The following ADK variants were observed in gnomAD, a reference collection of about 807,000 sequenced individuals.
The protein encoded by ADK is N6,N6-dimethyladenosine kinase.
A neutral mutation model predicts 44.7 loss-of-function variants in ADK; 24 were observed. That is an observed-to-expected ratio of 0.54 (90% CI 0.39 to 0.76). ADK has a LOEUF of 0.76. Among genes scored for constraint, ADK ranks in the 30% least tolerant of loss-of-function variants. ADK has a pLI of 0.00. For synonymous variants in ADK, 128 were observed against 142.6 expected (o/e 0.90, Z 0.73); for missense variants, 321 against 425.1 (o/e 0.76, Z 2.15).
At chr10:74,317,311 G>A (rs1840657616) in intron 4 of ADK, among the ~76,000 whole-genome samples, 1 of 152,134 alleles carries the variant, frequency 6.6e-6, no homozygotes, top group Admixed American at 6.6e-5. Context: ...ATATAACACT[G>A]CTAAAAAGGG....
chr10:74,160,279 G>C (rs529199662), intron 1 of ADK, among the ~76,000 whole-genome samples: 1 of 152,222 alleles, frequency 6.6e-6, no homozygotes, highest in Admixed American at 6.5e-5. Context: ...TCATGACAGT[G>C]TCCTGGAAGT....
At chr10:74,330,758 C>T (rs1841190304) in intron 4 of ADK, among the ~76,000 whole-genome samples, 1 of 152,150 alleles carries the variant, frequency 6.6e-6, no homozygotes, top group Admixed American at 6.5e-5. Context: ...GTGAGTGCAG[C>T]CAGCTCCAGT....
intron 3 of ADK, among the ~76,000 whole-genome samples, chr10:74,258,572 C>G (rs757982214): frequency 2.0e-5 from 3 of 152,068 alleles, no homozygotes; most frequent in Admixed American, 6.6e-5. Context: ...GGATACGGTA[C>G]ATCATTAATC....
At chr10:74,427,765 A>T (rs1019571605) in intron 6 of ADK, among the ~76,000 whole-genome samples, 1 of 151,740 alleles carries the variant, frequency 6.6e-6, no homozygotes, top group Non-Finnish European at 1.5e-5. Context: ...GTGAAGAGAC[A>T]TTCATATATT....
intron 6 of ADK, among the ~76,000 whole-genome samples, chr10:74,449,880 T>A (rs948970330): frequency 6.6e-6 from 1 of 152,230 alleles, no homozygotes; most frequent in Non-Finnish European, 1.5e-5. Flanking sequence ...AGTTCAACAA[T>A]GGTTTGTTGT....
intron 9 of ADK, among the ~76,000 whole-genome samples, chr10:74,612,445 T>C (rs1017068917): frequency 6.6e-6 from 1 of 152,088 alleles, no homozygotes; most frequent in Non-Finnish European, 1.5e-5. Context: ...GAGAAGCATT[T>C]GTTCATGTCC....
intron 1 of ADK, among the ~76,000 whole-genome samples, chr10:74,155,266 T>G (rs1240067295): frequency 6.6e-6 from 1 of 152,044 alleles, no homozygotes; most frequent in African/African-American, 2.4e-5. Flanking sequence ...GAGGTTTGCT[T>G]GAACCCAGAA....
intron 10 of ADK, among the ~76,000 whole-genome samples, chr10:74,685,382 AC>A (rs1218530495): frequency 6.6e-6 from 1 of 152,232 alleles, no homozygotes; most frequent in Non-Finnish European, 1.5e-5. Context: ...CCTAAGGGTA[AC>A]AGACTCTGTC....
At chr10:74,570,814 C>T (rs1167311133) in intron 7 of ADK, among the ~76,000 whole-genome samples, 1 of 152,110 alleles carries the variant, frequency 6.6e-6, no homozygotes, top group Non-Finnish European at 1.5e-5. Context: ...GCCAGAACTT[C>T]CAACACTATG....
intron 9 of ADK, among the ~76,000 whole-genome samples, chr10:74,620,930 A>G (rs1329222728): frequency 6.6e-6 from 1 of 151,582 alleles, no homozygotes; most frequent in African/African-American, 2.4e-5. Flanking sequence ...TACTGTTGAG[A>G]TGTTTAAGTT....
At chr10:74,698,243 A>C (rs1856277193) in intron 10 of ADK, among the ~76,000 whole-genome samples, 1 of 148,868 alleles carries the variant, frequency 6.7e-6, no homozygotes, top group Non-Finnish European at 1.5e-5. Flanking sequence ...AACCAAAGTA[A>C]AAAGGCAACA....
At chr10:74,258,947 G>GTTTTTTTTTTTTTTTTTT (rs141424052) in intron 3 of ADK, among the ~76,000 whole-genome samples, 8 of 96,126 alleles carry the variant, frequency 8.3e-5, no homozygotes, top group South Asian at 3.4e-4. Context: ...TTGTTTTTGT[G>GTTTTTTTTTTTTTTTTTT]TTTTTTTTTT....
rs899355235 is a variant in ADK, at chr10:74,666,809, T to TA, written c.878-3369dup. ...ATAGCTATGGAGTAGGTCATGCCGG[T>TA]AAAAACTGTTAGTTTTGTGACTTTT... On this transcript the variant is annotated intron_variant, in intron 9 of 10. Coordinates refer to ENST00000539909, the MANE Select transcript of ADK (RefSeq NM_006721.4). Among the ~76,000 whole-genome samples, 33 of 150,856 alleles carry TA rather than the reference T, an allele frequency of 2.2e-4. 2 individuals are homozygous for TA. Among genetic ancestry groups the TA allele is most frequent in the Non-Finnish European group, 1.0e-4 (7 of 67,882 alleles).
rs564796263 is a variant in ADK, at chr10:74,418,540, AT to A, written c.555+19962del. On this transcript the variant is annotated intron_variant, in intron 6 of 10. Coordinates refer to ENST00000539909, the MANE Select transcript of ADK (RefSeq NM_006721.4). Reference sequence around the variant, plus strand: ...GAGGCGATTAATGACAAAGCAAGCAATAACAAGAAGGCAGAATTACAGATTT... The same window carrying A: ...GAGGCGATTAATGACAAAGCAAGCAAAACAAGAAGGCAGAATTACAGATTT... Among the ~76,000 whole-genome samples, 6 of 152,350 alleles carry A rather than the reference AT, an allele frequency of 3.9e-5. No individual in the cohort carries two copies. The South Asian group carries it at 6.2e-4, about 16-fold the overall frequency.
chr10:74,513,780 T>G (rs891610768), intron 6 of ADK, among the ~76,000 whole-genome samples: 1 of 152,210 alleles, frequency 6.6e-6, no homozygotes, highest in Non-Finnish European at 1.5e-5. Flanking sequence ...ATTGATTGTT[T>G]TCTGGTGGTT....
intron 6 of ADK, among the ~76,000 whole-genome samples, chr10:74,483,338 C>G (rs374125811): frequency 6.6e-6 from 1 of 152,296 alleles, no homozygotes; most frequent in African/African-American, 2.4e-5. Context: ...CAAGGTTGCA[C>G]AGGGCAGCTG....
At chr10:74,329,362 C>A (rs1310308391) in intron 4 of ADK, among the ~76,000 whole-genome samples, 1 of 152,148 alleles carries the variant, frequency 6.6e-6, no homozygotes, top group East Asian at 1.9e-4. Context: ...CCAAGCTGGG[C>A]AAGTATGAAC....
At chr10:74,690,477 T>C (rs1244786426) in intron 10 of ADK, among the ~76,000 whole-genome samples, 9 of 152,180 alleles carry the variant, frequency 5.9e-5, no homozygotes, top group Admixed American at 4.6e-4. Flanking sequence ...ACCTGGGTGA[T>C]AGAATGAGAC....
At chr10:74,492,070 C>T (rs11816566) in intron 6 of ADK, among the ~76,000 whole-genome samples, 5,501 of 151,976 alleles carry the variant, frequency 0.036, 291 homozygotes, top group African/African-American at 0.11. Flanking sequence ...TTTCCTGAGT[C>T]GTTTGAGAGT....
Sources: allele counts gnomAD v4.1 joint callset (sites outside exome capture counted in the v4.1 genomes callset), GRCh38; gene constraint gnomAD v4.1.1; transcripts MANE v1.5; gene names NCBI Gene and HGNC (gene_info 2026-07-23, HGNC 2026-07-21).